The following GNA12 variants were observed in gnomAD, a reference collection of about 807,000 sequenced individuals.
The protein encoded by GNA12 is G protein subunit alpha 12, also known as guanine nucleotide-binding protein subunit alpha-12.
GNA12 carries 9 observed loss-of-function variants against 26.0 expected under a neutral mutation model. The observed-to-expected ratio is 0.35, with a 90% CI of 0.21 to 0.60. The LOEUF is 0.60. Among genes scored for constraint, GNA12 ranks in the 20% least tolerant of loss-of-function variants. The pLI is 0.78. For missense variants in GNA12, 405 were observed against 525.8 expected, an observed-to-expected ratio of 0.77 and a Z score of 2.25; for synonymous variants, 264 against 219.6, an observed-to-expected ratio of 1.20 and a Z score of -1.79.
At chr7:2,822,252 T>A (rs938620459) in intron 1 of GNA12, among the ~76,000 whole-genome samples, 2 of 152,212 alleles carry the variant, frequency 1.3e-5, no homozygotes, top group Non-Finnish European at 2.9e-5. Context: ...CGGCAGCGAC[T>A]GGAGTGGTTG....
At chr7:2,820,099 G>A (rs1276277600) in intron 1 of GNA12, among the ~76,000 whole-genome samples, 2 of 152,216 alleles carry the variant, frequency 1.3e-5, no homozygotes, top group Non-Finnish European at 2.9e-5. Context: ...ACGATGCTAA[G>A]AAGTCCGTCG....
intron 1 of GNA12, among the ~76,000 whole-genome samples, chr7:2,795,943 C>G (rs1224575178): frequency 1.3e-5 from 2 of 151,854 alleles, no homozygotes; most frequent in Non-Finnish European, 2.9e-5. Context: ...GCCTCAGCCT[C>G]CTAAGTAGCT....
chr7:2,764,738 A>G (rs758736725), intron 2 of GNA12: 2 of 152,224 alleles, frequency 1.3e-5, no homozygotes, highest in African/African-American at 2.4e-5. Context: ...CAGTAGCTTC[A>G]GCCACAGCTG....
chr7:2,836,243 T>C (rs1443962152), intron 1 of GNA12, among the ~76,000 whole-genome samples: 2 of 152,102 alleles, frequency 1.3e-5, no homozygotes, highest in South Asian at 2.1e-4. Context: ...GTGATCAAGA[T>C]GGAAAAGCCC....
intron 2 of GNA12, among the ~76,000 whole-genome samples, chr7:2,788,240 C>G (rs977795668): frequency 6.6e-6 from 1 of 152,184 alleles, no homozygotes; most frequent in Admixed American, 6.5e-5. Flanking sequence ...CATCCAGGCT[C>G]CCCCAGGCTG....
At chr7:2,816,595 AG>A (rs1341378040) in intron 1 of GNA12, among the ~76,000 whole-genome samples, 4 of 152,224 alleles carry the variant, frequency 2.6e-5, no homozygotes, top group African/African-American at 9.6e-5. Context: ...CTTAAAAACA[AG>A]TAATATACAT....
chr7:2,772,523 G>A (rs1177263316), intron 2 of GNA12, among the ~76,000 whole-genome samples: 3 of 150,678 alleles, frequency 2.0e-5, no homozygotes, highest in African/African-American at 7.4e-5. Flanking sequence ...TCGCACCACT[G>A]CACTCCAGCC....
At chr7:2,750,423 C>T (rs1002142273) in intron 2 of GNA12, among the ~76,000 whole-genome samples, 2 of 152,338 alleles carry the variant, frequency 1.3e-5, no homozygotes, top group Non-Finnish European at 1.5e-5. Context: ...TCAGGGGACA[C>T]ATGCTGAGAC....
chr7:2,756,377 G>A (rs1456562086), intron 2 of GNA12, among the ~76,000 whole-genome samples: 1 of 152,198 alleles, frequency 6.6e-6, no homozygotes, highest in Non-Finnish European at 1.5e-5. Context: ...AGGATGTCAG[G>A]TATGGTGGCT....
At chr7:2,757,129 CTTTTTTTTT>C (rs71026549) in intron 2 of GNA12, among the ~76,000 whole-genome samples, 1 of 94,004 alleles carries the variant, frequency 1.1e-5, no homozygotes, top group African/African-American at 4.3e-5. Context: ...TCAGGTGGGC[CTTTTTTTTT>C]TTTTTTTTTT....
At chr7:2,832,853 A>G (rs1778716139) in intron 1 of GNA12, among the ~76,000 whole-genome samples, 1 of 152,158 alleles carries the variant, frequency 6.6e-6, no homozygotes, top group Admixed American at 6.6e-5. Flanking sequence ...AGCTGCTTGC[A>G]AGAGCTCCCA....
At chr7:2,734,570 G>A (rs1349545272) in intron 2 of GNA12, among the ~76,000 whole-genome samples, 2 of 152,198 alleles carry the variant, frequency 1.3e-5, no homozygotes, top group Non-Finnish European at 2.9e-5. Flanking sequence ...GCGTTGTAAG[G>A]GATGGAGAAA....
At chr7:2,768,163 G>A (rs558353365) in intron 2 of GNA12, among the ~76,000 whole-genome samples, 2 of 152,344 alleles carry the variant, frequency 1.3e-5, no homozygotes, top group South Asian at 2.1e-4. Context: ...ACCTAATGGA[G>A]ACTATAAATG....
At chr7:2,836,597 C>G (rs1031191009) in intron 1 of GNA12, among the ~76,000 whole-genome samples, 2 of 152,184 alleles carry the variant, frequency 1.3e-5, no homozygotes, top group Admixed American at 1.3e-4. Context: ...CTTACAACAG[C>G]AGACCTTTTT....
chr7:2,825,278 A>T (rs2114967097), intron 1 of GNA12, among the ~76,000 whole-genome samples: 1 of 152,220 alleles, frequency 6.6e-6, no homozygotes, highest in Non-Finnish European at 1.5e-5. Context: ...CCTCCCTCCG[A>T]GCTCTTGCCA....
At chr7:2,759,211 G>A (rs1791445910) in intron 2 of GNA12, among the ~76,000 whole-genome samples, 1 of 151,876 alleles carries the variant, frequency 6.6e-6, no homozygotes, top group South Asian at 2.1e-4. Context: ...AAAACCCCAT[G>A]ATGGATCTCA....
intron 1 of GNA12, among the ~76,000 whole-genome samples, chr7:2,813,580 A>T (rs1040100981): frequency 6.6e-6 from 1 of 151,986 alleles, no homozygotes; most frequent in Non-Finnish European, 1.5e-5. Flanking sequence ...CAGGTGGGGA[A>T]AAAAAAACAA....
At position 2,731,321 on chromosome 7, in the gene GNA12, C is replaced by T. The variant is rs755401911; in HGVS notation, c.1006G>A (p.Asp336Asn). The stretch of plus-strand genomic sequence containing the variant: ...TTGCTGCGGTTCCGTCTCTTCCTGT[C>T]GAAGCACTGGACCAGGTAGCGCTGG... Reference protein sequence around the residue: ...DVQRYLVQCFDRKRRNRSKPL... With the variant: ...DVQRYLVQCFNRKRRNRSKPL... The change falls in exon 4 of 4, where the codon GAC becomes AAC. Residue 336 changes from aspartate (D) to asparagine (N), a missense_variant. Coordinates refer to ENST00000275364, the MANE Select transcript of GNA12 (RefSeq NM_007353.3). This position sits in a 1 kb window ranked among gnomAD's most constrained non-coding sequence, Gnocchi z 6.0. 5.6e-6 allele frequency: 9 copies of T among 1,613,838 alleles called. No homozygotes were observed. The highest frequency in any genetic ancestry group is 4.5e-5 in the East Asian group (2 of 44,864).
At position 2,742,474 on chromosome 7, in the gene GNA12, T is replaced by G. The variant is rs564338758; in HGVS notation, c.526-8973A>C. 3.3e-5 allele frequency among the ~76,000 whole-genome samples: 5 copies of G among 152,346 alleles called. No individual in the cohort carries two copies. The East Asian group carries it at 9.6e-4, about 29-fold the overall frequency. On this transcript the variant is annotated intron_variant, in intron 2 of 3. Transcript: ENST00000275364. ...GACATTCCACTGTCAACAAGAGCCCTGCTCCTGTTTATCTCATCGCTGTCC... is the reference window on the plus strand; with the variant it reads ...GACATTCCACTGTCAACAAGAGCCCGGCTCCTGTTTATCTCATCGCTGTCC...
Sources: gnomAD v4.1 joint callset for allele counts (sites outside exome capture counted in the v4.1 genomes callset) on GRCh38, gnomAD v4.1.1 for gene constraint, Gnocchi (gnomAD v3.1) non-coding constraint, MANE v1.5 for transcripts, NCBI Gene and HGNC (gene_info 2026-07-23, HGNC 2026-07-21) for gene names.